The following ZBTB20 variants were observed in gnomAD, a reference collection of about 807,000 sequenced individuals.
ZBTB20 encodes the protein zinc finger and BTB domain containing 20, also known as zinc finger and BTB domain-containing protein 20.
A neutral mutation model predicts 56.9 loss-of-function variants in ZBTB20; 9 were observed. The observed-to-expected ratio is 0.16, with a 90% CI of 0.10 to 0.28. ZBTB20 has a LOEUF of 0.28. Among genes scored for constraint, ZBTB20 ranks in the 10% least tolerant of loss-of-function variants. The pLI is 1.00. For synonymous variants in ZBTB20, 417 were observed against 420.7 expected (o/e 0.99, Z 0.11); for missense variants, 655 against 1,003.0 (o/e 0.65, Z 4.69).
At chr3:115,039,287 G>T (rs1368113446) in intron 2 of ZBTB20, among the ~76,000 whole-genome samples, 1 of 152,020 alleles carries the variant, frequency 6.6e-6, no homozygotes, top group Non-Finnish European at 1.5e-5. Flanking sequence ...ATGGTAGAAA[G>T]AATCAAGGGT....
At chr3:114,636,942 C>CAAT (rs2059311023) in intron 6 of ZBTB20, among the ~76,000 whole-genome samples, 1 of 149,422 alleles carries the variant, frequency 6.7e-6, no homozygotes, top group African/African-American at 2.5e-5. Flanking sequence ...ACAACAACAA[C>CAAT]ACACTTTAGC....
At chr3:114,917,648 T>C (rs2075797227) in intron 3 of ZBTB20, among the ~76,000 whole-genome samples, 1 of 152,202 alleles carries the variant, frequency 6.6e-6, no homozygotes, top group African/African-American at 2.4e-5. Flanking sequence ...TTGGTGGTCT[T>C]GTACAAGATC....
At chr3:114,565,269 A>G (rs1263732584) in intron 6 of ZBTB20, among the ~76,000 whole-genome samples, 2 of 152,214 alleles carry the variant, frequency 1.3e-5, no homozygotes, top group Non-Finnish European at 2.9e-5. Context: ...ACAAACTTTA[A>G]TTGTGTTTAA....
intron 7 of ZBTB20, among the ~76,000 whole-genome samples, chr3:114,440,979 G>A (rs917828302): frequency 6.6e-6 from 1 of 152,102 alleles, no homozygotes; most frequent in Non-Finnish European, 1.5e-5. Flanking sequence ...TATCAGTTAC[G>A]GTGACATATT....
intron 2 of ZBTB20, among the ~76,000 whole-genome samples, chr3:115,002,057 A>T (rs530858160): frequency 2.1e-4 from 32 of 151,716 alleles, no homozygotes; most frequent in Admixed American, 1.2e-3. Flanking sequence ...TCAATGGAAC[A>T]GAAGAGAGAG....
chr3:115,134,019 T>C (rs989060466), intron 1 of ZBTB20, among the ~76,000 whole-genome samples: 3 of 152,232 alleles, frequency 2.0e-5, no homozygotes, highest in Non-Finnish European at 2.9e-5. Flanking sequence ...ATATGGTTTT[T>C]CTATTTCATT....
intron 3 of ZBTB20, among the ~76,000 whole-genome samples, chr3:114,903,809 T>TA (rs1262678161): frequency 1.3e-5 from 2 of 152,040 alleles, no homozygotes; most frequent in Admixed American, 1.3e-4. Flanking sequence ...TGTAGGCACT[T>TA]ATCACCTTTT....
intron 4 of ZBTB20, among the ~76,000 whole-genome samples, chr3:114,820,866 T>C (rs746444359): frequency 6.6e-5 from 10 of 152,120 alleles, no homozygotes; most frequent in Non-Finnish European, 1.0e-4. Flanking sequence ...TGATGGCCTT[T>C]CCCGTTGTTG....
intron 2 of ZBTB20, among the ~76,000 whole-genome samples, chr3:115,016,473 T>C (rs1212479678): frequency 6.6e-6 from 1 of 152,006 alleles, no homozygotes; most frequent in Non-Finnish European, 1.5e-5. Flanking sequence ...TTAATCCATC[T>C]TGGGTTAATT....
chr3:114,744,195 A>T (rs1170787392), intron 5 of ZBTB20, among the ~76,000 whole-genome samples: 1 of 152,214 alleles, frequency 6.6e-6, no homozygotes, highest in African/African-American at 2.4e-5. Flanking sequence ...TCTGGGCTAA[A>T]GGCAGCTCAA....
chr3:114,550,572 T>G lies in ZBTB20; in HGVS notation c.-294-50181A>C, dbSNP rs111459388. 5.8e-4 allele frequency among the ~76,000 whole-genome samples: 88 copies of G among 152,350 alleles called. 1 individual carries two copies. Among genetic ancestry groups the G allele is most frequent in the African/African-American group, 1.9e-3 (81 of 41,582 alleles). On this transcript the variant is annotated intron_variant, in intron 6 of 11. Coordinates refer to ENST00000675478, the MANE Select transcript of ZBTB20 (RefSeq NM_001348800.3). ...AAGTTAATAAGTGCATTGTTTTAACTCTGTAAATAATGCTTTTTGGGGGGT... is the reference window on the plus strand; with the variant it reads ...AAGTTAATAAGTGCATTGTTTTAACGCTGTAAATAATGCTTTTTGGGGGGT...
intron 5 of ZBTB20, among the ~76,000 whole-genome samples, chr3:114,785,802 T>G (rs1218180747): frequency 6.6e-6 from 1 of 152,144 alleles, no homozygotes; most frequent in Non-Finnish European, 1.5e-5. Flanking sequence ...ACTTCAGATC[T>G]TACTCTCTGC....
At chr3:114,774,913 AAAAAG>A (rs552861831) in intron 5 of ZBTB20, among the ~76,000 whole-genome samples, 1 of 152,140 alleles carries the variant, frequency 6.6e-6, no homozygotes, top group African/African-American at 2.4e-5. Context: ...GTGAATAAAA[AAAAAG>A]AAAAGAAAAG....
At chr3:114,697,097 G>GA (rs34992420) in intron 5 of ZBTB20, among the ~76,000 whole-genome samples, 60 of 137,344 alleles carry the variant, frequency 4.4e-4, no homozygotes, top group African/African-American at 1.4e-3. Context: ...GAGAAAAAAA[G>GA]AAAAAAAAAA....
At chr3:114,368,433 G>A (rs80131326) in intron 10 of ZBTB20, among the ~76,000 whole-genome samples, 3,610 of 152,246 alleles carry the variant, frequency 0.024, 94 homozygotes, top group African/African-American at 0.065. Flanking sequence ...GGAGGGACCC[G>A]AGAGGACATC....
At chr3:114,591,149 A>G (rs1387580510) in intron 6 of ZBTB20, among the ~76,000 whole-genome samples, 1 of 152,204 alleles carries the variant, frequency 6.6e-6, no homozygotes, top group Non-Finnish European at 1.5e-5. Flanking sequence ...AAAATGTTAA[A>G]TTTAAATTTG....
intron 2 of ZBTB20, among the ~76,000 whole-genome samples, chr3:114,975,587 C>T (rs2078064954): frequency 6.6e-6 from 1 of 152,136 alleles, no homozygotes; most frequent in Non-Finnish European, 1.5e-5. Context: ...GAATCTGACA[C>T]TCCTGTTATA....
intron 1 of ZBTB20, among the ~76,000 whole-genome samples, chr3:115,096,673 G>A (rs907455720): frequency 2.6e-5 from 4 of 152,184 alleles, no homozygotes; most frequent in African/African-American, 9.7e-5. Flanking sequence ...GGGGTAACAC[G>A]TTTGCTCAGG....
chr3:114,497,147 C>T (rs1262104845), intron 7 of ZBTB20, among the ~76,000 whole-genome samples: 1 of 152,202 alleles, frequency 6.6e-6, no homozygotes, highest in Non-Finnish European at 1.5e-5. Context: ...TATTTCAACA[C>T]TACCAAATAG....
Sources: gnomAD v4.1 joint callset for allele counts (sites outside exome capture counted in the v4.1 genomes callset) on GRCh38, gnomAD v4.1.1 for gene constraint, MANE v1.5 for transcripts, NCBI Gene and HGNC (gene_info 2026-07-23, HGNC 2026-07-21) for gene names.